Variants in GRIK2 observed in about 807,000 individuals in gnomAD.
The protein encoded by GRIK2 is glutamate receptor ionotropic, kainate 2.
In GRIK2, 32 loss-of-function variants were observed where a neutral mutation model predicts 100.3. The ratio of observed to expected loss-of-function variants is 0.32; its 90% confidence interval spans 0.24 to 0.43. The LOEUF (loss-of-function observed/expected upper bound fraction) is 0.43. Among genes scored for constraint, GRIK2 ranks in the 20% least tolerant of loss-of-function variants. The probability of loss-of-function intolerance (pLI) is 1.00; values close to 1 mark genes in which losing one functional copy is unlikely to be tolerated. For missense variants in GRIK2, 843 were observed against 1,114.9 expected, an observed-to-expected ratio of 0.76 and a Z score of 3.47; for synonymous variants, 417 against 389.4, an observed-to-expected ratio of 1.07 and a Z score of -0.83.
chr6:101,655,940 T>G (rs901600447), intron 4 of GRIK2, among the ~76,000 whole-genome samples: 6 of 151,038 alleles, frequency 4.0e-5, no homozygotes, highest in Admixed American at 3.3e-4. Context: ...TTCTCTCATC[T>G]TATTAGGACT....
At chr6:101,877,994 G>T (rs888741691) in intron 11 of GRIK2, among the ~76,000 whole-genome samples, 28 of 150,700 alleles carry the variant, frequency 1.9e-4, no homozygotes, top group African/African-American at 6.3e-4. Flanking sequence ...CTTAAAAAAG[G>T]GCATTGATGA....
At chr6:101,794,724 G>C (rs929063922) in intron 7 of GRIK2, among the ~76,000 whole-genome samples, 1 of 151,486 alleles carries the variant, frequency 6.6e-6, no homozygotes, top group African/African-American at 2.4e-5. Flanking sequence ...GCATTTCATA[G>C]ATCTATTTTT....
chr6:101,455,314 A>C (rs1243152581), intron 2 of GRIK2, among the ~76,000 whole-genome samples: 3 of 152,144 alleles, frequency 2.0e-5, no homozygotes, highest in Non-Finnish European at 4.4e-5. Context: ...TTGTATATTG[A>C]GTCTCCTCTC....
At chr6:101,437,023 TG>T (rs965122444) in intron 2 of GRIK2, among the ~76,000 whole-genome samples, 45 of 151,038 alleles carry the variant, frequency 3.0e-4, no homozygotes, top group African/African-American at 1.1e-3. Flanking sequence ...AATACCTATA[TG>T]GATATATATA....
chr6:101,651,663 G>GAT (rs1042011039), intron 4 of GRIK2, among the ~76,000 whole-genome samples: 1 of 152,074 alleles, frequency 6.6e-6, no homozygotes, highest in African/African-American at 2.4e-5. Context: ...CCAGGCAAAG[G>GAT]ATATACATTA....
chr6:101,795,141 A>G (rs1737159942), intron 7 of GRIK2, among the ~76,000 whole-genome samples: 1 of 152,134 alleles, frequency 6.6e-6, no homozygotes, highest in South Asian at 2.1e-4. Context: ...TGTTGGAATT[A>G]CAGATGTGAG....
At chr6:101,694,984 T>G (rs1425839090) in intron 7 of GRIK2, among the ~76,000 whole-genome samples, 1 of 149,634 alleles carries the variant, frequency 6.7e-6, no homozygotes, top group Non-Finnish European at 1.5e-5. Flanking sequence ...ATAAATAATA[T>G]AAAATAAGAG....
intron 14 of GRIK2, among the ~76,000 whole-genome samples, chr6:101,990,804 G>T (rs1794310930): frequency 6.7e-6 from 1 of 150,264 alleles, no homozygotes; most frequent in South Asian, 2.1e-4. Context: ...TAGGATCATT[G>T]TGGGGATACT....
intron 9 of GRIK2, 23 bp from the exon 10 acceptor site, chr6:101,818,347 A>G: frequency 7.5e-7 from 1 of 1,335,518 alleles, no homozygotes; most frequent in East Asian, 2.3e-5. Flanking sequence ...GACAATTTAC[A>G]AAGTACATAT....
intron 2 of GRIK2, among the ~76,000 whole-genome samples, chr6:101,551,613 G>T (rs1165448840): frequency 1.3e-5 from 2 of 152,126 alleles, no homozygotes; most frequent in Non-Finnish European, 2.9e-5. Flanking sequence ...GACTCAGCAT[G>T]TGTCCCGCAC....
intron 4 of GRIK2, among the ~76,000 whole-genome samples, chr6:101,669,345 T>G (rs970959239): frequency 6.6e-6 from 1 of 152,174 alleles, no homozygotes; most frequent in Non-Finnish European, 1.5e-5. Flanking sequence ...TTCAGCAAAA[T>G]TAATTTTGCC....
At chr6:101,670,587 G>T (rs1260964222) in intron 4 of GRIK2, among the ~76,000 whole-genome samples, 3 of 151,980 alleles carry the variant, frequency 2.0e-5, no homozygotes, top group Non-Finnish European at 2.9e-5. Context: ...TCTATTTTGG[G>T]GTCAGCTGAG....
intron 2 of GRIK2, among the ~76,000 whole-genome samples, chr6:101,471,362 C>A (rs566350465): frequency 6.6e-6 from 1 of 152,002 alleles, no homozygotes; most frequent in African/African-American, 2.4e-5. Flanking sequence ...ATGTTCGTCA[C>A]GTGCCACCTA....
intron 7 of GRIK2, among the ~76,000 whole-genome samples, chr6:101,788,499 G>A (rs975810036): frequency 6.6e-6 from 1 of 152,004 alleles, no homozygotes; most frequent in African/African-American, 2.4e-5. Flanking sequence ...TGAGAGTGAT[G>A]ATTTCCAATT....
At chr6:101,494,008 ATT>A (rs1773290043) in intron 2 of GRIK2, among the ~76,000 whole-genome samples, 1 of 119,470 alleles carries the variant, frequency 8.4e-6, no homozygotes, top group African/African-American at 3.3e-5. Context: ...AAATGTATAT[ATT>A]ATATATAAAA....
intron 16 of GRIK2, among the ~76,000 whole-genome samples, chr6:102,059,453 T>C (rs1467569951): frequency 6.6e-6 from 1 of 151,206 alleles, no homozygotes; most frequent in Non-Finnish European, 1.5e-5. Flanking sequence ...GAAGTTTCAC[T>C]GAGAAAGCAA....
intron 15 of GRIK2, among the ~76,000 whole-genome samples, 169 bp from the exon 16 acceptor site, chr6:102,055,158 AATG>A (rs1290295105): frequency 1.3e-5 from 2 of 152,130 alleles, no homozygotes; most frequent in African/African-American, 4.8e-5. Flanking sequence ...TATCCATTTT[AATG>A]ATCTTGTTAA....
chr6:101,620,515 A>T lies in GRIK2; in HGVS notation c.116-1434A>T, dbSNP rs117394575. The stretch of plus-strand genomic sequence containing the variant: ...TCTATTCTGAGTCCTAATTCCTCAT[A>T]GTTAGAGGAATTGTTACAACATTAC... On this transcript the variant is annotated intron_variant, in intron 2 of 16. Coordinates refer to ENST00000369134, the MANE Select transcript of GRIK2 (RefSeq NM_021956.5). Among the ~76,000 whole-genome samples the T allele has an allele frequency of 1.1e-4, 16 of 152,206 alleles. No homozygotes were observed. The East Asian group carries it at 3.1e-3, about 29-fold the overall frequency.
chr6:101,692,510 A>G (rs140085596), intron 7 of GRIK2, among the ~76,000 whole-genome samples: 33 of 152,244 alleles, frequency 2.2e-4, no homozygotes, highest in African/African-American at 7.9e-4. Flanking sequence ...AGAAGATAGT[A>G]ACTGTTTTTC....
Sources: allele counts gnomAD v4.1 joint callset (sites outside exome capture counted in the v4.1 genomes callset), GRCh38; gene constraint gnomAD v4.1.1; transcripts MANE v1.5; gene names NCBI Gene and HGNC (gene_info 2026-07-23, HGNC 2026-07-21).